Variants in MYO5B observed in about 807,000 individuals in gnomAD.
MYO5B encodes unconventional myosin-Vb.
Under a neutral mutation model 229.3 loss-of-function variants are expected in MYO5B, and 143 were observed. The ratio of observed to expected loss-of-function variants is 0.62; its 90% CI spans 0.54 to 0.72. The LOEUF (loss-of-function observed/expected upper bound fraction) is 0.72. Among genes scored for constraint, MYO5B ranks in the 30% least tolerant of loss-of-function variants. The pLI, the probability that MYO5B is intolerant of heterozygous loss-of-function variation, is 0.00. For synonymous variants in MYO5B, 918 were observed against 885.2 expected (o/e 1.04, Z -0.66); for missense variants, 2,321 against 2,331.0 (o/e 1.00, Z 0.09).
chr18:49,963,006 GC>G lies in MYO5B; in HGVS notation c.1346del (p.Ser449ThrfsTer31). On this transcript the variant is annotated frameshift_variant, in exon 11 of 40. Coordinates refer to ENST00000285039, the MANE Select transcript of MYO5B (RefSeq NM_001080467.3). LOFTEE classifies it high-confidence loss of function. ...CATAGTTGATACAGAACTGCTCAAA[GC>G]TGTTTACCTCAAATGTCTCAAACCT... The part of the protein sequence containing the change: ...IYGFETFEVN[S>X]FEQFCINYAN... The G allele has an allele frequency of 6.2e-7, 1 of 1,614,020 alleles. No individual in the cohort carries two copies.
At chr18:49,895,208 G>T in intron 21 of MYO5B, 34 bp from the exon 22 acceptor site, 1 of 1,543,300 alleles carries the variant, frequency 6.5e-7, no homozygotes, top group Non-Finnish European at 8.9e-7. Flanking sequence ...GGAGAAGGGA[G>T]AAGAAGTGGG....
intron 1 of MYO5B, among the ~76,000 whole-genome samples, chr18:50,055,655 G>C (rs2030530645): frequency 6.6e-6 from 1 of 152,098 alleles, no homozygotes; most frequent in South Asian, 2.1e-4. Flanking sequence ...GCCTGCATTT[G>C]TTTATATACA....
At chr18:50,082,904 A>C (rs1373529602) in intron 1 of MYO5B, among the ~76,000 whole-genome samples, 1 of 152,126 alleles carries the variant, frequency 6.6e-6, no homozygotes, top group Admixed American at 6.5e-5. Context: ...CCAGACATCA[A>C]CTGGGTGTTC....
At chr18:49,834,648 T>C (rs1360263153) in intron 39 of MYO5B, among the ~76,000 whole-genome samples, 1 of 152,192 alleles carries the variant, frequency 6.6e-6, no homozygotes, top group Admixed American at 6.5e-5. Flanking sequence ...ATATTGTCTT[T>C]TTTTTTTGAG....
intron 17 of MYO5B, among the ~76,000 whole-genome samples, chr18:49,923,331 T>C (rs919908602): frequency 6.6e-6 from 1 of 152,110 alleles, no homozygotes; most frequent in African/African-American, 2.4e-5. Context: ...TTTCATTCCC[T>C]CCCAGGAAGC....
intron 21 of MYO5B, among the ~76,000 whole-genome samples, chr18:49,896,506 T>G (rs1029834858): frequency 6.6e-6 from 1 of 151,906 alleles, no homozygotes; most frequent in Admixed American, 6.6e-5. Context: ...CATGCTGGAG[T>G]AGCCACCCTC....
At chr18:50,161,645 A>C (rs1790463) in intron 1 of MYO5B, among the ~76,000 whole-genome samples, 147,880 of 152,250 alleles carry the variant, frequency 0.97, 71,969 homozygotes, top group East Asian at 1. Context: ...TCTCCCTCAG[A>C]CCCTGAAGCA....
chr18:50,013,728 G>A (rs1465415908), intron 4 of MYO5B, among the ~76,000 whole-genome samples: 10 of 152,162 alleles, frequency 6.6e-5, no homozygotes, highest in African/African-American at 2.4e-4. Flanking sequence ...CATTCTACCC[G>A]ACTTCAAGAT....
intron 21 of MYO5B, among the ~76,000 whole-genome samples, chr18:49,896,791 A>G (rs1290042466): frequency 6.6e-6 from 1 of 152,176 alleles, no homozygotes; most frequent in African/African-American, 2.4e-5. Context: ...GACCTGGCTC[A>G]GGGATGTCAG....
chr18:49,846,347 ACTGATG>A lies in MYO5B; in HGVS notation c.4459+793_4459+798del, dbSNP rs1276094979. 3.3e-5 allele frequency among the ~76,000 whole-genome samples: 5 copies of A among 152,260 alleles called. No individual in the cohort carries two copies. In the East Asian group the frequency reaches 5.8e-4, roughly 18 times the overall value. On this transcript the variant is annotated intron_variant, in intron 33 of 39. Transcript: ENST00000285039. The stretch of plus-strand genomic sequence containing the variant: ...TCTCTCACCCCTTCCCAGGGGTGAT[ACTGATG>A]CTGATGCTGATGCTGCTGGTCCAGG...
At chr18:49,979,095 G>A (rs773298335) in intron 9 of MYO5B, among the ~76,000 whole-genome samples, 48 of 152,140 alleles carry the variant, frequency 3.2e-4, no homozygotes, top group Non-Finnish European at 5.4e-4. Context: ...GGTTTGTCCT[G>A]CACTGGAGGT....
intron 1 of MYO5B, among the ~76,000 whole-genome samples, chr18:50,091,083 A>T (rs1175268391): frequency 1.3e-5 from 2 of 152,138 alleles, no homozygotes; most frequent in Non-Finnish European, 2.9e-5. Flanking sequence ...TCCCCCAGTT[A>T]GTGGAGGCCC....
chr18:49,829,143 G>C (rs1460889293), intron 39 of MYO5B, among the ~76,000 whole-genome samples: 1 of 149,598 alleles, frequency 6.7e-6, no homozygotes, highest in African/African-American at 2.5e-5. Context: ...GTGCAGTGGT[G>C]TGATCTCTGC....
chr18:50,115,994 T>C (rs1299229199), intron 1 of MYO5B, among the ~76,000 whole-genome samples: 2 of 152,158 alleles, frequency 1.3e-5, no homozygotes, highest in African/African-American at 2.4e-5. Flanking sequence ...CATGGGACCT[T>C]TACTCCCTAG....
chr18:50,039,627 G>A (rs996056755), intron 3 of MYO5B, among the ~76,000 whole-genome samples: 12 of 152,106 alleles, frequency 7.9e-5, no homozygotes, highest in South Asian at 2.1e-4. Context: ...CACTGCGCCC[G>A]GCGGAAAGGA....
At chr18:49,859,354 A>T (rs1039138099) in intron 29 of MYO5B, among the ~76,000 whole-genome samples, 9 of 152,206 alleles carry the variant, frequency 5.9e-5, no homozygotes, top group Admixed American at 4.6e-4. Context: ...CTCTGTGAAG[A>T]TATTGGAAAA....
chr18:50,083,424 C>T (rs1440637180), intron 1 of MYO5B, among the ~76,000 whole-genome samples: 2 of 152,136 alleles, frequency 1.3e-5, no homozygotes, highest in East Asian at 1.9e-4. Flanking sequence ...ACATTCAGCC[C>T]GAATCCTGAA....
At chr18:50,172,784 G>C (rs1053917337) in intron 1 of MYO5B, among the ~76,000 whole-genome samples, 1 of 152,216 alleles carries the variant, frequency 6.6e-6, no homozygotes, top group African/African-American at 2.4e-5. Context: ...GCTATGAGAG[G>C]AGAAAAACAA....
intron 4 of MYO5B, among the ~76,000 whole-genome samples, chr18:50,022,820 C>A (rs1423452736): frequency 6.6e-6 from 1 of 152,144 alleles, no homozygotes; most frequent in African/African-American, 2.4e-5. Flanking sequence ...TGTCCTCACT[C>A]CCCACGCAGG....
Sources: gnomAD v4.1 joint callset for allele counts (sites outside exome capture counted in the v4.1 genomes callset) on GRCh38, gnomAD v4.1.1 for gene constraint, MANE v1.5 for transcripts, NCBI Gene and HGNC (gene_info 2026-07-23, HGNC 2026-07-21) for gene names.